The following BMP7 variants were observed in gnomAD, a reference collection of about 807,000 sequenced individuals.
BMP7 encodes osteogenic protein 1.
In BMP7, 12 loss-of-function variants were observed where a neutral mutation model predicts 41.2. The ratio of observed to expected loss-of-function variants is 0.29; its 90% CI spans 0.19 to 0.47. The LOEUF (loss-of-function observed/expected upper bound fraction) is 0.47. Among genes scored for constraint, BMP7 ranks in the 20% least tolerant of loss-of-function variants. BMP7 has a pLI of 0.99. For missense variants in BMP7, 467 were observed against 606.0 expected (o/e 0.77, Z 2.41); for synonymous variants, 248 against 250.0 (o/e 0.99, Z 0.07).
At chr20:57,248,124 G>A (rs1179262701) in intron 1 of BMP7, among the ~76,000 whole-genome samples, 1 of 152,132 alleles carries the variant, frequency 6.6e-6, no homozygotes, top group African/African-American at 2.4e-5. Flanking sequence ...TATTCACAGT[G>A]GAACACTATC....
intron 3 of BMP7, among the ~76,000 whole-genome samples, chr20:57,194,583 C>T (rs1449304744): frequency 6.6e-6 from 1 of 152,168 alleles, no homozygotes; most frequent in Non-Finnish European, 1.5e-5. Context: ...TGAGATAAGA[C>T]ATCATTATTT....
At position 57,266,497 on chromosome 20, in the gene BMP7, T is replaced by G; in HGVS notation, c.-375A>C. 5 of 159,256 alleles carry G rather than the reference T, an allele frequency of 3.1e-5. No homozygotes were observed. The highest frequency in any genetic ancestry group is 6.9e-5 in the Non-Finnish European group (5 of 72,734). 9.9% of individuals were successfully genotyped at this position (159,256 alleles called of 1,614,324 possible). ...CAGGCGGGCGGGCGAGCGCTCCTTCTTCCCGCTCCTCTGGCGCTCTCGCCC... is the reference window on the plus strand; with the variant it reads ...CAGGCGGGCGGGCGAGCGCTCCTTCGTCCCGCTCCTCTGGCGCTCTCGCCC... On this transcript the variant is annotated 5_prime_UTR_variant, in exon 1 of 7. Transcript: ENST00000395863.
chr20:57,201,377 G>A (rs983564143), intron 3 of BMP7, among the ~76,000 whole-genome samples: 8 of 152,184 alleles, frequency 5.3e-5, no homozygotes, highest in Non-Finnish European at 1.0e-4. Context: ...GCTCTTTAAC[G>A]GCTGACAGGA....
At chr20:57,247,086 G>A (rs1257165137) in intron 1 of BMP7, among the ~76,000 whole-genome samples, 2 of 152,174 alleles carry the variant, frequency 1.3e-5, no homozygotes, top group Non-Finnish European at 2.9e-5. Context: ...TAACATAGCT[G>A]TAATCAGATA....
chr20:57,191,888 TATAGTATAG>T (rs1032529385), intron 3 of BMP7, among the ~76,000 whole-genome samples: 1 of 134,470 alleles, frequency 7.4e-6, no homozygotes, highest in African/African-American at 2.9e-5. Context: ...ATATAGTATA[TATAGTATAG>T]ATAGTATACA....
chr20:57,228,556 G>C lies in BMP7; in HGVS notation c.419-135C>G, dbSNP rs933774838. The stretch of plus-strand genomic sequence containing the variant: ...ATTGCCAGTGACCCCAGTGACAACT[G>C]CTCCTTCCTCACCAACACACTGTAG... On this transcript the variant is annotated intron_variant, in intron 1 of 6. Transcript: ENST00000395863. The surrounding 1 kb of genome is among the most constrained non-coding windows in gnomAD (Gnocchi z 4.5). The C allele has an allele frequency of 2.9e-6, 3 of 1,041,378 alleles. No individual in the cohort carries two copies. The highest frequency in any genetic ancestry group is 4.4e-6 in the Non-Finnish European group (3 of 677,880). 64.5% of individuals were successfully genotyped at this position (1,041,378 alleles called of 1,614,324 possible).
At chr20:57,242,556 T>A (rs1219248545) in intron 1 of BMP7, among the ~76,000 whole-genome samples, 2 of 152,212 alleles carry the variant, frequency 1.3e-5, no homozygotes, top group Non-Finnish European at 2.9e-5. Flanking sequence ...TTGACCTGTA[T>A]GGGGTTCACC....
At chr20:57,265,378 G>C (rs1436384883) in intron 1 of BMP7, among the ~76,000 whole-genome samples, 1 of 152,238 alleles carries the variant, frequency 6.6e-6, no homozygotes, top group Admixed American at 6.5e-5. Context: ...GCGCCGGCCC[G>C]GGACAGCTCA....
intron 2 of BMP7, among the ~76,000 whole-genome samples, chr20:57,223,916 G>C (rs574820631): frequency 6.6e-6 from 1 of 152,188 alleles, no homozygotes; most frequent in African/African-American, 2.4e-5. Flanking sequence ...ACTGGGCAAG[G>C]AGCCCTTGGC....
intron 3 of BMP7, among the ~76,000 whole-genome samples, chr20:57,191,788 A>G (rs4618109): frequency 0.44 from 62,592 of 140,698 alleles, 15,228 homozygotes; most frequent in South Asian, 0.58. Context: ...ACTATATATT[A>G]TATATTTTTA....
intron 1 of BMP7, among the ~76,000 whole-genome samples, chr20:57,260,550 A>G (rs1188547754): frequency 6.6e-6 from 1 of 152,224 alleles, no homozygotes; most frequent in African/African-American, 2.4e-5. Context: ...TCACCCCATG[A>G]AGGCGAGAGA....
At chr20:57,225,975 T>G (rs1030934783) in intron 2 of BMP7, 3 of 470,800 alleles carry the variant, frequency 6.4e-6, no homozygotes, top group African/African-American at 2.0e-5. Context: ...GAGGAGGGAC[T>G]CAGTCACTCA....
intron 2 of BMP7, among the ~76,000 whole-genome samples, chr20:57,223,325 C>G (rs1985235828): frequency 6.6e-6 from 1 of 152,184 alleles, no homozygotes; most frequent in Admixed American, 6.5e-5. Flanking sequence ...CCTGTTCACA[C>G]CCCAGCACAC....
At chr20:57,194,821 G>C (rs1313835328) in intron 3 of BMP7, among the ~76,000 whole-genome samples, 1 of 152,230 alleles carries the variant, frequency 6.6e-6, no homozygotes, top group African/African-American at 2.4e-5. Context: ...AGGGAGTACA[G>C]AGATGGAGTC....
chr20:57,217,795 T>C (rs1181000599), intron 2 of BMP7, among the ~76,000 whole-genome samples: 1 of 152,212 alleles, frequency 6.6e-6, no homozygotes, highest in African/African-American at 2.4e-5. Context: ...TTGACTTTCA[T>C]TAATAAAAAT....
At chr20:57,182,220 C>A (rs552586352) in intron 4 of BMP7, among the ~76,000 whole-genome samples, 4 of 152,176 alleles carry the variant, frequency 2.6e-5, no homozygotes, top group Non-Finnish European at 5.9e-5. Context: ...ACTGCATGTG[C>A]AGGGGGCATG....
chr20:57,184,017 A>T, intron 3 of BMP7, 98 bp from the exon 4 acceptor site: 1 of 1,339,106 alleles, frequency 7.5e-7, no homozygotes, highest in Middle Eastern at 1.8e-4. Flanking sequence ...TTCATTCATG[A>T]ACTCCTTATT....
At position 57,169,413 on chromosome 20, in the gene BMP7, C is replaced by T. The variant is rs1475240788; in HGVS notation, c.*1546G>A. ...CATACTATTTATGGGACTCACCAGCCAAGGCAAGGCAGGCTTACACCAAGA... is the reference window on the plus strand; with the variant it reads ...CATACTATTTATGGGACTCACCAGCTAAGGCAAGGCAGGCTTACACCAAGA... On this transcript the variant is annotated 3_prime_UTR_variant, in exon 7 of 7. Transcript: ENST00000395863. 5 of 152,226 alleles carry T rather than the reference C, an allele frequency of 3.3e-5. No homozygotes were observed. The highest frequency in any genetic ancestry group is 3.3e-4 in the Admixed American group (5 of 15,274). The allele number at this position is 152,226 out of a possible 1,614,324, so 9.4% of individuals were successfully genotyped here.
chr20:57,206,970 C>G (rs968969681), intron 2 of BMP7, among the ~76,000 whole-genome samples: 1 of 152,202 alleles, frequency 6.6e-6, no homozygotes, highest in Non-Finnish European at 1.5e-5. Flanking sequence ...CCTATGTTCA[C>G]AGTAGTGTTA....
Sources: allele counts gnomAD v4.1 joint callset (sites outside exome capture counted in the v4.1 genomes callset), GRCh38; gene constraint gnomAD v4.1.1; non-coding constraint Gnocchi (gnomAD v3.1); transcripts MANE v1.5; gene names NCBI Gene and HGNC (gene_info 2026-07-23, HGNC 2026-07-21).